ITGB5: variants seen among roughly 807,000 people sequenced by gnomAD.
The protein encoded by ITGB5 is integrin subunit beta 5.
A neutral mutation model predicts 84.8 loss-of-function variants in ITGB5; 38 were observed. That is an observed-to-expected ratio of 0.45 (90% CI 0.35 to 0.59). The LOEUF is 0.59. Among genes scored for constraint, ITGB5 ranks in the 20% least tolerant of loss-of-function variants. The pLI is 0.01. For synonymous variants in ITGB5, 393 were observed against 414.4 expected, an observed-to-expected ratio of 0.95 and a Z score of 0.63; for missense variants, 905 against 1,034.5, an observed-to-expected ratio of 0.87 and a Z score of 1.72.
At chr3:124,847,535 G>GCCCC (rs781774802) in intron 4 of ITGB5, among the ~76,000 whole-genome samples, 3 of 152,182 alleles carry the variant, frequency 2.0e-5, no homozygotes, top group Non-Finnish European at 2.9e-5. Flanking sequence ...ATGTGGGAGC[G>GCCCC]GGCATGGCAA....
chr3:124,809,179 G>A lies in ITGB5; in HGVS notation c.1129-23C>T, dbSNP rs761757146. On this transcript the variant is annotated intron_variant, in intron 8 of 14. Coordinates refer to ENST00000296181, the MANE Select transcript of ITGB5 (RefSeq NM_002213.5). ...ACTCTGAATGGAGAGAGAAAATGAA[G>A]CCCAACCATTTAATAAAGGCTGTGG... 3.1e-6 allele frequency: 5 copies of A among 1,613,174 alleles called. No homozygotes were observed. In the East Asian group the frequency reaches 6.7e-5, roughly 22 times the overall value.
At chr3:124,823,412 G>A (rs2064736543) in intron 5 of ITGB5, among the ~76,000 whole-genome samples, 2 of 151,910 alleles carry the variant, frequency 1.3e-5, no homozygotes, top group African/African-American at 4.8e-5. Context: ...ACAGTGAAGA[G>A]GCCAGACACA....
intron 8 of ITGB5, 99 bp downstream of exon 8, chr3:124,817,522 A>G: frequency 3.2e-6 from 2 of 626,986 alleles, no homozygotes; most frequent in Non-Finnish European, 5.6e-6. Flanking sequence ...CAAGAAGAGC[A>G]GCACGGAGAA....
chr3:124,767,597 G>A (rs934828530), intron 12 of ITGB5, among the ~76,000 whole-genome samples: 1 of 152,152 alleles, frequency 6.6e-6, no homozygotes, highest in Non-Finnish European at 1.5e-5. Flanking sequence ...ACCAGCCCAG[G>A]TCTGCTGGCA....
At chr3:124,765,126 T>A (rs1030195074) in intron 13 of ITGB5, among the ~76,000 whole-genome samples, 1 of 152,230 alleles carries the variant, frequency 6.6e-6, no homozygotes, top group Non-Finnish European at 1.5e-5. Flanking sequence ...AGGCACATTA[T>A]GTGGTTGGGC....
intron 10 of ITGB5, among the ~76,000 whole-genome samples, chr3:124,785,894 T>C (rs2064075720): frequency 6.6e-6 from 1 of 151,942 alleles, no homozygotes; most frequent in African/African-American, 2.4e-5. Context: ...GTAGGCTAAG[T>C]GCCAGGGTGG....
At chr3:124,805,027 T>G (rs1397967363) in intron 9 of ITGB5, among the ~76,000 whole-genome samples, 1 of 151,064 alleles carries the variant, frequency 6.6e-6, no homozygotes, top group Non-Finnish European at 1.5e-5. Context: ...CCTTCCTTTC[T>G]TTTGCCCTGC....
At position 124,877,224 on chromosome 3, in the gene ITGB5, C is replaced by T. The variant is rs1166315080; in HGVS notation, c.71-3693G>A. Among the ~76,000 whole-genome samples, 5 of 151,312 alleles carry T rather than the reference C, an allele frequency of 3.3e-5. No homozygotes were observed. The East Asian group carries it at 7.8e-4, about 24-fold the overall frequency. Reference sequence around the variant, plus strand: ...AAACTCCTGGGCTCAAGTGATCCTCCTGCCTGGGCCTCCCAAAGTGCTAGG... The same window carrying T: ...AAACTCCTGGGCTCAAGTGATCCTCTTGCCTGGGCCTCCCAAAGTGCTAGG... On this transcript the variant is annotated intron_variant, in intron 1 of 14. Transcript: ENST00000296181.
At chr3:124,787,151 A>G (rs1350307999) in intron 10 of ITGB5, among the ~76,000 whole-genome samples, 1 of 152,230 alleles carries the variant, frequency 6.6e-6, no homozygotes, top group African/African-American at 2.4e-5. Context: ...TCAAAGGCAC[A>G]CACAGAATCC....
intron 10 of ITGB5, among the ~76,000 whole-genome samples, chr3:124,785,312 G>A (rs746282358): frequency 3.6e-4 from 54 of 151,178 alleles, no homozygotes; most frequent in Non-Finnish European, 5.5e-4. Context: ...GTCCGGGCGC[G>A]GTGGCTCACG....
chr3:124,887,843 A>G (rs1934902043), upstream of ITGB5: 1 of 280,722 alleles, frequency 3.6e-6, no homozygotes, highest in East Asian at 1.2e-4. Context: ...TGGAACCGCA[A>G]AGCGACTTCT....
chr3:124,848,627 G>A, intron 3 of ITGB5, 69 bp from the exon 4 acceptor site: 2 of 1,508,574 alleles, frequency 1.3e-6, no homozygotes, highest in Non-Finnish European at 1.8e-6. Flanking sequence ...GATGGGATTT[G>A]CTTTCAAAGC....
chr3:124,876,558 G>A (rs543060991), intron 1 of ITGB5, among the ~76,000 whole-genome samples: 3 of 152,304 alleles, frequency 2.0e-5, no homozygotes, highest in Admixed American at 2.0e-4. Context: ...GACTTTAGAA[G>A]GAAGAAATAC....
At chr3:124,851,734 A>C (rs2065159403) in intron 3 of ITGB5, among the ~76,000 whole-genome samples, 1 of 152,148 alleles carries the variant, frequency 6.6e-6, no homozygotes, top group African/African-American at 2.4e-5. Context: ...AAAGATGGTA[A>C]CACCACTGAT....
At chr3:124,788,812 G>A (rs990401553) in intron 10 of ITGB5, among the ~76,000 whole-genome samples, 5 of 152,194 alleles carry the variant, frequency 3.3e-5, no homozygotes, top group African/African-American at 7.2e-5. Flanking sequence ...GAAAAAACCC[G>A]AAGAATTTCT....
chr3:124,810,808 G>A (rs756893585), intron 8 of ITGB5, among the ~76,000 whole-genome samples: 15 of 152,038 alleles, frequency 9.9e-5, no homozygotes, highest in Non-Finnish European at 1.9e-4. Flanking sequence ...CCCAACATCC[G>A]CAGACGGCCC....
chr3:124,818,799 G>A (rs948646218), intron 7 of ITGB5, among the ~76,000 whole-genome samples: 2 of 152,114 alleles, frequency 1.3e-5, no homozygotes, highest in Non-Finnish European at 2.9e-5. Context: ...AATATAAGTG[G>A]CATTTTATCA....
chr3:124,813,760 C>T (rs1280701066), intron 8 of ITGB5, among the ~76,000 whole-genome samples: 1 of 152,196 alleles, frequency 6.6e-6, no homozygotes, highest in Admixed American at 6.5e-5. Context: ...AAATCCAGGC[C>T]TTCTGGGTTT....
intron 8 of ITGB5, among the ~76,000 whole-genome samples, chr3:124,810,442 G>A (rs919882097): frequency 3.9e-5 from 6 of 152,010 alleles, no homozygotes; most frequent in Non-Finnish European, 7.4e-5. Flanking sequence ...TTTTCTATAC[G>A]TCTGTTAGTT....
Sources: gnomAD v4.1 joint callset for allele counts (sites outside exome capture counted in the v4.1 genomes callset) on GRCh38, gnomAD v4.1.1 for gene constraint, MANE v1.5 for transcripts, NCBI Gene and HGNC (gene_info 2026-07-23, HGNC 2026-07-21) for gene names.